NEK7: variants seen among roughly 807,000 people sequenced by gnomAD.
NEK7 encodes the protein NIMA related kinase 7, also known as serine/threonine-protein kinase Nek7.
NEK7 carries 18 observed loss-of-function variants against 44.6 expected under a neutral mutation model. The observed-to-expected ratio is 0.40, with a 90% CI of 0.28 to 0.60. The LOEUF (loss-of-function observed/expected upper bound fraction) is 0.60. NEK7 is among the 20% of genes least tolerant of loss of function. The probability of loss-of-function intolerance (pLI) is 0.38; values close to 1 mark genes in which losing one functional copy is unlikely to be tolerated. For synonymous variants in NEK7, 130 were observed against 121.1 expected, an observed-to-expected ratio of 1.07 and a Z score of -0.48; for missense variants, 256 against 366.5, an observed-to-expected ratio of 0.70 and a Z score of 2.46.
chr1:198,253,057 T>G lies in NEK7; in HGVS notation c.75T>G (p.Asp25Glu). 3 of 1,610,334 alleles carry G rather than the reference T, an allele frequency of 1.9e-6. No homozygotes were observed. The highest frequency in any genetic ancestry group is 1.7e-6 in the Non-Finnish European group (2 of 1,177,958). ...QFQPQKALRP[D>E]MGYNTLANFR... The stretch of plus-strand genomic sequence containing the variant: ...AATTACAGAAGGCCTTACGACCGGA[T>G]ATGGGCTATAATACATTAGCCAACT... Residue 25 changes from aspartate to glutamate, a missense_variant, in exon 3 of 10, where the codon GAT (aspartate) becomes GAG (glutamate). Physicochemically the swap from Asp to Glu is conservative, Grantham distance 45 (BLOSUM62 2). Coordinates refer to ENST00000367385, the MANE Select transcript of NEK7 (RefSeq NM_133494.3).
intron 1 of NEK7, among the ~76,000 whole-genome samples, chr1:198,185,139 T>C (rs1419183721): frequency 6.6e-6 from 1 of 151,476 alleles, no homozygotes; most frequent in Non-Finnish European, 1.5e-5. Flanking sequence ...ATTATAGATA[T>C]CTGCTTTTCC....
intron 1 of NEK7, among the ~76,000 whole-genome samples, chr1:198,230,076 G>T (rs1036131777): frequency 2.0e-5 from 3 of 152,126 alleles, no homozygotes; most frequent in African/African-American, 7.2e-5. Flanking sequence ...GGCCTGCTTG[G>T]ATCTTTTACT....
chr1:198,229,886 G>A (rs958931872), intron 1 of NEK7, among the ~76,000 whole-genome samples: 1 of 151,774 alleles, frequency 6.6e-6, no homozygotes, highest in Non-Finnish European at 1.5e-5. Flanking sequence ...TTTTTTCATT[G>A]TTTTATTTGC....
chr1:198,183,913 T>G (rs942811196), intron 1 of NEK7, among the ~76,000 whole-genome samples: 1 of 152,236 alleles, frequency 6.6e-6, no homozygotes, highest in African/African-American at 2.4e-5. Flanking sequence ...ACAATTTTTT[T>G]TCTTTCCTTT....
intron 5 of NEK7, among the ~76,000 whole-genome samples, chr1:198,273,606 C>T (rs559871630): frequency 6.6e-6 from 1 of 151,738 alleles, no homozygotes; most frequent in East Asian, 1.9e-4. Flanking sequence ...TTAACATCCC[C>T]TCTGATGGTA....
At chr1:198,309,202 G>T (rs975557859) in intron 9 of NEK7, among the ~76,000 whole-genome samples, 3 of 152,136 alleles carry the variant, frequency 2.0e-5, no homozygotes, top group Non-Finnish European at 4.4e-5. Flanking sequence ...AAGGCAGACA[G>T]GTGAGAGAGC....
At chr1:198,218,712 G>GA (rs1169514064) in intron 1 of NEK7, among the ~76,000 whole-genome samples, 1 of 143,240 alleles carries the variant, frequency 7.0e-6, no homozygotes, top group Non-Finnish European at 1.5e-5. Flanking sequence ...AAATCAGCAA[G>GA]AAAAAAATCC....
At chr1:198,300,820 ACT>A (rs554917472) in intron 9 of NEK7, among the ~76,000 whole-genome samples, 8 of 152,210 alleles carry the variant, frequency 5.3e-5, no homozygotes, top group African/African-American at 1.9e-4. Flanking sequence ...TCTCCAAAGA[ACT>A]CTCTGTAGAG....
At chr1:198,271,875 T>TTA (rs1362613083) in intron 5 of NEK7, among the ~76,000 whole-genome samples, 7 of 146,038 alleles carry the variant, frequency 4.8e-5, no homozygotes, top group Non-Finnish European at 7.5e-5. Context: ...GAATATTATT[T>TTA]TATATATATA....
intron 1 of NEK7, among the ~76,000 whole-genome samples, chr1:198,214,848 CAAG>C (rs1218532849): frequency 6.6e-6 from 1 of 152,006 alleles, no homozygotes; most frequent in Non-Finnish European, 1.5e-5. Context: ...AGACTTATTA[CAAG>C]AAGAATATCA....
intron 2 of NEK7, 97 bp from the exon 3 acceptor site, chr1:198,252,943 C>T (rs1170892230): frequency 1.9e-5 from 19 of 994,978 alleles, no homozygotes; most frequent in South Asian, 4.8e-5. Context: ...TGCAAACTTA[C>T]CCTATGTGTC....
chr1:198,157,594 T>A (rs950536325), intron 1 of NEK7, among the ~76,000 whole-genome samples: 3 of 152,250 alleles, frequency 2.0e-5, no homozygotes, highest in Non-Finnish European at 4.4e-5. Context: ...GGTCTTTGGT[T>A]TCGGGACCCG....
intron 7 of NEK7, among the ~76,000 whole-genome samples, chr1:198,286,072 T>C (rs1456451614): frequency 6.6e-6 from 1 of 152,190 alleles, no homozygotes; most frequent in African/African-American, 2.4e-5. Flanking sequence ...TTATCCCTGC[T>C]GGACTTGCTT....
At chr1:198,256,479 C>CA (rs749732874) in intron 3 of NEK7, 5 of 1,581,280 alleles carry the variant, frequency 3.2e-6, no homozygotes, top group Middle Eastern at 1.8e-4. Flanking sequence ...GGTTCATTTG[C>CA]AAAAAAATAA....
rs538962744 is a variant in NEK7, at chr1:198,204,332, GT to G, written c.-28-28219del. 1.0e-3 allele frequency among the ~76,000 whole-genome samples: 153 copies of G among 152,270 alleles called. 1 individual carries two copies. Among genetic ancestry groups the G allele is most frequent in the Middle Eastern group, 6.8e-3 (2 of 294 alleles). ...CACTTATTTTTTGCTGTGCTGTAAT[GT>G]TGTTACAGTACCTAAAATGGCATAT... is the stretch of plus-strand genomic sequence containing the variant. On this transcript the variant is annotated intron_variant, in intron 1 of 9. Coordinates refer to ENST00000367385, the MANE Select transcript of NEK7 (RefSeq NM_133494.3).
At chr1:198,211,439 G>C (rs750191055) in intron 1 of NEK7, among the ~76,000 whole-genome samples, 31 of 152,190 alleles carry the variant, frequency 2.0e-4, no homozygotes, top group Non-Finnish European at 1.5e-4. Context: ...TTAAATCTTT[G>C]TGAGATCTCA....
At chr1:198,285,081 C>A (rs546802150) in intron 7 of NEK7, among the ~76,000 whole-genome samples, 1 of 152,174 alleles carries the variant, frequency 6.6e-6, no homozygotes, top group East Asian at 1.9e-4. Context: ...CTAAACCTTA[C>A]CCTATTTTAT....
At chr1:198,225,887 A>G (rs962523883) in intron 1 of NEK7, among the ~76,000 whole-genome samples, 1 of 151,984 alleles carries the variant, frequency 6.6e-6, no homozygotes, top group Admixed American at 6.6e-5. Flanking sequence ...GTTGAATGTG[A>G]TGATAGTTTT....
At chr1:198,178,351 G>A (rs540051781) in intron 1 of NEK7, among the ~76,000 whole-genome samples, 28 of 151,954 alleles carry the variant, frequency 1.8e-4, no homozygotes, top group African/African-American at 6.3e-4. Flanking sequence ...CTTTTAAATC[G>A]AAATGAATAG....
Sources: allele counts gnomAD v4.1 joint callset (sites outside exome capture counted in the v4.1 genomes callset), GRCh38; gene constraint gnomAD v4.1.1; transcripts MANE v1.5; gene names NCBI Gene and HGNC (gene_info 2026-07-23, HGNC 2026-07-21).